FGL1: variants seen among roughly 807,000 people sequenced by gnomAD.
FGL1 encodes fibrinogen-like protein 1.
FGL1 carries 59 observed loss-of-function variants against 43.7 expected under a neutral mutation model. The ratio of observed to expected loss-of-function variants is 1.35; its 90% CI spans 1.10 to 1.68. The LOEUF is 1.68. Among genes scored for constraint, FGL1 ranks in the 40% most tolerant of loss-of-function variants. The pLI, the probability that FGL1 is intolerant of heterozygous loss-of-function variation, is 0.00. For synonymous variants in FGL1, 192 were observed against 126.5 expected (o/e 1.52, Z -3.48); for missense variants, 596 against 373.0 (o/e 1.60, Z -4.92).
At chr8:17,872,887 A>G (rs1403103557) in intron 5 of FGL1, among the ~76,000 whole-genome samples, 1 of 152,220 alleles carries the variant, frequency 6.6e-6, no homozygotes, top group African/African-American at 2.4e-5. Flanking sequence ...TTTGAAATAT[A>G]TATACAGAAA....
chr8:17,895,277 C>A, intron 1 of FGL1, 170 bp downstream of exon 1: 1 of 1,020,188 alleles, frequency 9.8e-7, no homozygotes, highest in Non-Finnish European at 1.2e-6. Context: ...ACAAAAGATA[C>A]ATAATTCTAA....
chr8:17,876,786 C>T (rs1382489420), intron 3 of FGL1, among the ~76,000 whole-genome samples: 1 of 152,178 alleles, frequency 6.6e-6, no homozygotes, highest in Non-Finnish European at 1.5e-5. Context: ...TTAGCTATAA[C>T]ATTTGCCTCT....
At chr8:17,877,615 A>G (rs77816994) in intron 3 of FGL1, among the ~76,000 whole-genome samples, 6 of 14,462 alleles carry the variant, frequency 4.1e-4, no homozygotes, top group East Asian at 1.0e-3. Context: ...AACATAAGGA[A>G]AAAAAAAAAA....
chr8:17,893,180 GACA>G (rs1388689516), intron 1 of FGL1, among the ~76,000 whole-genome samples: 8 of 152,178 alleles, frequency 5.3e-5, no homozygotes, highest in Non-Finnish European at 1.2e-4. Context: ...CAGCCTGGGT[GACA>G]GAGTGAGACT....
At position 17,868,532 on chromosome 8, in the gene FGL1, T is replaced by G; in HGVS notation, c.779+16A>C. 2 of 1,601,608 alleles carry G rather than the reference T, an allele frequency of 1.2e-6. No individual in the cohort carries two copies. The highest frequency in any genetic ancestry group is 4.5e-5 in the East Asian group (2 of 44,538). ...ATCATCAACTCCATTACAACTATGC[T>G]CATAAGACATCAAACCTGTTAAACC... On this transcript the variant is annotated intron_variant, in intron 7 of 7. Coordinates refer to ENST00000427924, the MANE Select transcript of FGL1 (RefSeq NM_004467.4).
chr8:17,888,543 G>C lies in FGL1; in HGVS notation c.-17-2972C>G, dbSNP rs148543905. Among the ~76,000 whole-genome samples the C allele has an allele frequency of 4.8e-3, 726 of 152,278 alleles. 6 individuals carry two copies. The highest frequency in any genetic ancestry group is 0.016 in the African/African-American group (662 of 41,566). Reference sequence around the variant, plus strand: ...GTTGAAATAAGTATTCTAAACCGAAGACATCTGATGTTAGGAGCAAATACA... The same window carrying C: ...GTTGAAATAAGTATTCTAAACCGAACACATCTGATGTTAGGAGCAAATACA... On this transcript the variant is annotated intron_variant, in intron 1 of 7. Transcript: ENST00000427924.
rs2053436900 is a variant in FGL1, at chr8:17,875,533, T to TCTCTCTCTCTCTCTC, written c.245-1013_245-1012insGAGAGAGAGAGAGAG. Among the ~76,000 whole-genome samples, 2 of 11,846 alleles carry TCTCTCTCTCTCTCTC rather than the reference T, an allele frequency of 1.7e-4. 1 individual carries two copies. Among genetic ancestry groups the TCTCTCTCTCTCTCTC allele is most frequent in the African/African-American group, 4.6e-4 (2 of 4,302 alleles). 7.8% of individuals were successfully genotyped at this position (11,846 alleles called of 152,430 possible). On this transcript the variant is annotated intron_variant, in intron 3 of 7. Transcript: ENST00000427924. ...TTTCTTTCTTTCTTTCTTTCTTTCT[T>TCTCTCTCTCTCTCTC]TCTCTTTCTTTCTTTCTTTCTTTCT...
chr8:17,885,191 C>T (rs565823132), intron 2 of FGL1, among the ~76,000 whole-genome samples: 2 of 152,100 alleles, frequency 1.3e-5, no homozygotes, highest in South Asian at 2.1e-4. Context: ...CAGATGCGTG[C>T]CATCACGCCC....
intron 1 of FGL1, among the ~76,000 whole-genome samples, chr8:17,890,745 G>A (rs1469336473): frequency 2.6e-5 from 4 of 152,172 alleles, no homozygotes; most frequent in Non-Finnish European, 5.9e-5. Flanking sequence ...TACAGTCGTG[G>A]TGGAAGGGGA....
At position 17,879,447 on chromosome 8, in the gene FGL1, G is replaced by A. The variant is rs185904181; in HGVS notation, c.244+2552C>T. ...TTGAGTTGTAGTTCCCAGTGTGGGA[G>A]GGAAGGCCTAGTGGGAGGCGATTGG... is the stretch of plus-strand genomic sequence containing the variant. On this transcript the variant is annotated intron_variant, in intron 3 of 7. Transcript: ENST00000427924. Among the ~76,000 whole-genome samples, 202 of 152,198 alleles carry A rather than the reference G, an allele frequency of 1.3e-3. 2 individuals are homozygous for A. Among genetic ancestry groups the A allele is most frequent in the South Asian group, 5.0e-3 (24 of 4,818 alleles).
intron 1 of FGL1, among the ~76,000 whole-genome samples, chr8:17,886,430 G>C (rs2053629033): frequency 6.6e-6 from 1 of 150,438 alleles, no homozygotes; most frequent in Admixed American, 6.7e-5. Context: ...AGAACAGCTA[G>C]TGTGCAATGT....
At chr8:17,871,930 T>C (rs1220652256) in intron 5 of FGL1, among the ~76,000 whole-genome samples, 2 of 152,188 alleles carry the variant, frequency 1.3e-5, no homozygotes, top group Admixed American at 6.5e-5. Flanking sequence ...GAATTTCATA[T>C]ATTTAGAAAG....
intron 5 of FGL1, among the ~76,000 whole-genome samples, chr8:17,873,405 GT>G (rs1343207530): frequency 4.8e-4 from 73 of 152,118 alleles, no homozygotes; most frequent in African/African-American, 1.7e-3. Flanking sequence ...CAGTGAGGAA[GT>G]TGATGGCAGA....
In FGL1 at chr8:17,874,520, A is replaced by T; in HGVS notation, c.246T>A (p.Asp82Glu). The T allele has an allele frequency of 6.2e-7, 1 of 1,601,080 alleles. No homozygotes were observed. The highest frequency in any genetic ancestry group is 8.5e-7 in the Non-Finnish European group (1 of 1,173,094). ...ACCCATCATTGAAAATCTCTGAACA[A>T]TCTGTTTTTAAAACAAGGTAATGTA... ...IDLGSKRQYA[D>E]CSEIFNDGYK... The change falls in exon 4 of 8, where the codon GAT (aspartate) becomes GAA (glutamate). Residue 82 changes from aspartate to glutamate, a missense_variant and splice_region_variant. Coordinates refer to ENST00000427924, the MANE Select transcript of FGL1 (RefSeq NM_004467.4).
At chr8:17,868,757 G>T (rs779519858) in intron 6 of FGL1, 22 bp from the exon 7 acceptor site, 1 of 1,595,836 alleles carries the variant, frequency 6.3e-7, no homozygotes, top group Non-Finnish European at 8.5e-7. Context: ...GGGCATTTCT[G>T]CTGTCAGTGG....
At chr8:17,883,258 A>T (rs1293804250) in intron 2 of FGL1, among the ~76,000 whole-genome samples, 9 of 87,208 alleles carry the variant, frequency 1.0e-4, no homozygotes, top group African/African-American at 3.8e-4. Flanking sequence ...AATATATATC[A>T]TATATAATAT....
chr8:17,889,069 G>T (rs890968185), intron 1 of FGL1, among the ~76,000 whole-genome samples: 1 of 152,084 alleles, frequency 6.6e-6, no homozygotes, highest in South Asian at 2.1e-4. Context: ...GTGGCCTGGG[G>T]CATTATATAA....
At chr8:17,865,801 C>T (rs973728904) in intron 7 of FGL1, among the ~76,000 whole-genome samples, 1 of 152,106 alleles carries the variant, frequency 6.6e-6, no homozygotes, top group African/African-American at 2.4e-5. Context: ...TAGTTCTGAA[C>T]ATCTATGGAA....
intron 1 of FGL1, among the ~76,000 whole-genome samples, chr8:17,886,209 C>A (rs1452104889): frequency 2.0e-5 from 3 of 152,220 alleles, no homozygotes; most frequent in African/African-American, 7.2e-5. Context: ...TTGCTTTAAA[C>A]TACAGTCTGT....
Sources: gnomAD v4.1 joint callset for allele counts (sites outside exome capture counted in the v4.1 genomes callset) on GRCh38, gnomAD v4.1.1 for gene constraint, MANE v1.5 for transcripts, NCBI Gene and HGNC (gene_info 2026-07-23, HGNC 2026-07-21) for gene names.